Variants in BACH2 observed in about 807,000 individuals in gnomAD.
BACH2 encodes transcription regulator protein BACH2.
A neutral mutation model predicts 61.8 loss-of-function variants in BACH2; 5 were observed. The observed-to-expected ratio is 0.08, with a 90% CI of 0.04 to 0.17. The LOEUF (loss-of-function observed/expected upper bound fraction) is 0.17. Ranked by LOEUF, BACH2 falls within the 10% of genes least tolerant of loss-of-function variation. The pLI is 1.00. For synonymous variants in BACH2, 446 were observed against 440.1 expected, an observed-to-expected ratio of 1.01 and a Z score of -0.17; for missense variants, 824 against 1,091.1, an observed-to-expected ratio of 0.76 and a Z score of 3.45.
At chr6:89,963,695 A>T (rs923662543) in intron 6 of BACH2, among the ~76,000 whole-genome samples, 2 of 152,120 alleles carry the variant, frequency 1.3e-5, no homozygotes, top group Non-Finnish European at 2.9e-5. Context: ...GATCCAGCAA[A>T]CCCAGTTTGG....
At chr6:90,218,671 G>A (rs1769628573) in intron 3 of BACH2, among the ~76,000 whole-genome samples, 1 of 151,934 alleles carries the variant, frequency 6.6e-6, no homozygotes. Flanking sequence ...CCTTTCTCTG[G>A]CTCGAATTAC....
Position 89,931,482 on chromosome 6 carries a change from C to G in BACH2, c.*926G>C, listed in dbSNP as rs995495452. 1 of 152,592 alleles carries G rather than the reference C, an allele frequency of 6.6e-6. No homozygotes were observed. The highest frequency in any genetic ancestry group is 1.5e-5 in the Non-Finnish European group (1 of 68,020). The allele number at this position is 152,592 out of a possible 1,614,324, so 9.5% of individuals were successfully genotyped here. A position where few individuals can be genotyped will look rare whatever the true frequency, so the allele number is the denominator to read the frequency against. On this transcript the variant is annotated 3_prime_UTR_variant, in exon 9 of 9. Coordinates refer to ENST00000257749, the MANE Select transcript of BACH2 (RefSeq NM_021813.4). Reference sequence around the variant, plus strand: ...TTTTTAACTAAAAGCAAAGAATATACAGTATACTTGAGTTATACCGAAGTT... The same window carrying G: ...TTTTTAACTAAAAGCAAAGAATATAGAGTATACTTGAGTTATACCGAAGTT...
At chr6:90,061,681 A>G (rs1462766000) in intron 5 of BACH2, among the ~76,000 whole-genome samples, 1 of 152,054 alleles carries the variant, frequency 6.6e-6, no homozygotes, top group Non-Finnish European at 1.5e-5. Flanking sequence ...ACAGAGGAGG[A>G]GACAGCAGTG....
rs770778287 is a variant in BACH2, at chr6:90,262,345, C to A, written c.-353+9504G>T. On this transcript the variant is annotated intron_variant, in intron 2 of 8. Coordinates refer to ENST00000257749, the MANE Select transcript of BACH2 (RefSeq NM_021813.4). ...TTTGGTTTGGGATTCATTTGTACAGCGATGACTTTTACAGACCAATTCACC... is the reference window on the plus strand; with the variant it reads ...TTTGGTTTGGGATTCATTTGTACAGAGATGACTTTTACAGACCAATTCACC... Among the ~76,000 whole-genome samples, 43 of 152,296 alleles carry A rather than the reference C, an allele frequency of 2.8e-4. 1 individual carries two copies. The highest frequency in any genetic ancestry group is 3.8e-4 in the Non-Finnish European group (26 of 68,034).
chr6:90,202,007 AG>A (rs139945983), intron 4 of BACH2, among the ~76,000 whole-genome samples: 5 of 152,366 alleles, frequency 3.3e-5, no homozygotes, highest in African/African-American at 1.2e-4. Flanking sequence ...AAATGAAAAA[AG>A]TGTTCATATT....
At chr6:89,949,584 T>A (rs1170623880) in intron 7 of BACH2, among the ~76,000 whole-genome samples, 2 of 152,120 alleles carry the variant, frequency 1.3e-5, no homozygotes, top group African/African-American at 4.8e-5. Context: ...GTACATTGCT[T>A]TCAGGGTGGA....
chr6:90,065,168 C>G (rs1007730599), intron 5 of BACH2, among the ~76,000 whole-genome samples: 2 of 150,712 alleles, frequency 1.3e-5, no homozygotes, highest in African/African-American at 4.9e-5. Context: ...CTAACGAGTT[C>G]CAGTCTGGAC....
intron 6 of BACH2, among the ~76,000 whole-genome samples, chr6:90,003,611 ATG>A (rs1777249249): frequency 1.3e-5 from 2 of 152,326 alleles, no homozygotes; most frequent in South Asian, 2.1e-4. Flanking sequence ...TATTTGTTGA[ATG>A]AATAAATAAA....
rs144958455 is a variant in BACH2, at chr6:89,950,879, C to G, written c.1227G>C (p.Ser409=). 1.3e-4 allele frequency: 204 copies of G among 1,606,704 alleles called. 1 individual carries two copies. In the African/African-American group the frequency reaches 2.2e-3, roughly 17 times the overall value. Residue 409 remains serine (S), a synonymous_variant, in exon 7 of 9, where the codon TCG becomes TCC. Coordinates refer to ENST00000257749, the MANE Select transcript of BACH2 (RefSeq NM_021813.4). The surrounding 1 kb of genome is among the most constrained non-coding windows in gnomAD (Gnocchi z 5.3). ...QKEVSNFTMG[S]PLRGPGLEAL... ...CCTCCAACCCAGGCCCCCTGAGGGG[C>G]GACCCCATGGTGAAGTTGGACACCT...
intron 4 of BACH2, among the ~76,000 whole-genome samples, chr6:90,101,165 G>C (rs948139265): frequency 6.6e-6 from 1 of 152,224 alleles, no homozygotes; most frequent in Middle Eastern, 3.4e-3. Flanking sequence ...TACATGATTT[G>C]TAAGTATTTT....
At chr6:90,200,549 A>G (rs561474915) in intron 4 of BACH2, among the ~76,000 whole-genome samples, 11 of 152,274 alleles carry the variant, frequency 7.2e-5, no homozygotes, top group Admixed American at 2.6e-4. Flanking sequence ...TCTGTTTTCT[A>G]TCTGCTCACT....
At chr6:90,058,043 T>C (rs1438839438) in intron 5 of BACH2, among the ~76,000 whole-genome samples, 1 of 152,168 alleles carries the variant, frequency 6.6e-6, no homozygotes, top group Non-Finnish European at 1.5e-5. Context: ...ACTGGAAGCA[T>C]TCCCTTTGAA....
chr6:90,137,412 T>G (rs1225843544), intron 4 of BACH2, among the ~76,000 whole-genome samples: 4 of 152,060 alleles, frequency 2.6e-5, no homozygotes, highest in African/African-American at 9.7e-5. Context: ...AGGCCATAAA[T>G]CTATTAGCTT....
At chr6:90,104,542 CTG>C (rs1363560774) in intron 4 of BACH2, 1 of 152,286 alleles carries the variant, frequency 6.6e-6, no homozygotes, top group Non-Finnish European at 1.5e-5. Flanking sequence ...AGGAAGGACT[CTG>C]TTCTCCTTCA....
At chr6:90,254,948 C>T (rs1434759656) in intron 2 of BACH2, among the ~76,000 whole-genome samples, 1 of 152,176 alleles carries the variant, frequency 6.6e-6, no homozygotes, top group South Asian at 2.1e-4. Flanking sequence ...TCCATTAACG[C>T]TCCAAAATAA....
Position 89,950,033 on chromosome 6 carries a change from C to T in BACH2, c.1836+237G>A, listed in dbSNP as rs1773981717. 4 of 575,534 alleles carry T rather than the reference C, an allele frequency of 7.0e-6. No individual in the cohort carries two copies. In the South Asian group the frequency reaches 7.8e-5, roughly 11 times the overall value. The allele number at this position is 575,534 out of a possible 1,614,324, so 35.7% of individuals were successfully genotyped here. A position where few individuals can be genotyped will look rare whatever the true frequency, so the allele number is the denominator to read the frequency against. ...AGTATATTTTTACTCAGCAGCTTGC[C>T]TCTGCTTGTCGAGTATTGAGATCCA... On this transcript the variant is annotated intron_variant, in intron 7 of 8. Coordinates refer to ENST00000257749, the MANE Select transcript of BACH2 (RefSeq NM_021813.4). The surrounding 1 kb of genome is among the most constrained non-coding windows in gnomAD (Gnocchi z 5.3).
At chr6:89,975,646 T>C (rs1049950825) in intron 6 of BACH2, among the ~76,000 whole-genome samples, 6 of 152,202 alleles carry the variant, frequency 3.9e-5, no homozygotes, top group African/African-American at 1.4e-4. Context: ...TGTTAAATAA[T>C]TGGCTCCAAG....
In BACH2 at chr6:89,950,894, G is replaced by A. The variant is rs759551224; in HGVS notation, c.1212C>T (p.Asn404=). Residue 404 remains asparagine, a synonymous_variant, in exon 7 of 9, where the codon AAC becomes AAT. Transcript: ENST00000257749. The surrounding 1 kb of genome is among the most constrained non-coding windows in gnomAD (Gnocchi z 5.3). The part of the protein sequence containing the change: ...QPHVGQKEVS[N]FTMGSPLRGP... ...CCCTGAGGGGCGACCCCATGGTGAA[G>A]TTGGACACCTCCTTCTGGCCCACGT... 3 of 1,600,940 alleles carry A rather than the reference G, an allele frequency of 1.9e-6. No individual in the cohort carries two copies. Among genetic ancestry groups the A allele is most frequent in the South Asian group, 1.1e-5 (1 of 89,196 alleles).
intron 5 of BACH2, among the ~76,000 whole-genome samples, chr6:90,045,083 C>G (rs1433314072): frequency 2.0e-5 from 3 of 152,188 alleles, no homozygotes; most frequent in Non-Finnish European, 4.4e-5. Flanking sequence ...AGGAAGGAAA[C>G]TGTTATCAGG....
Sources: gnomAD v4.1 joint callset for allele counts (sites outside exome capture counted in the v4.1 genomes callset) on GRCh38, gnomAD v4.1.1 for gene constraint, Gnocchi (gnomAD v3.1) non-coding constraint, MANE v1.5 for transcripts, NCBI Gene and HGNC (gene_info 2026-07-23, HGNC 2026-07-21) for gene names.